The following TOX3 variants were observed in gnomAD, a reference collection of about 807,000 sequenced individuals.
TOX3 encodes the protein CAG trinucleotide repeat-containing gene F9 protein.
TOX3 carries 22 observed loss-of-function variants against 64.3 expected under a neutral mutation model. That is an observed-to-expected ratio of 0.34 (90% CI 0.24 to 0.49). The LOEUF is 0.49. Among genes scored for constraint, TOX3 ranks in the 20% least tolerant of loss-of-function variants. The probability of loss-of-function intolerance (pLI) is 0.99; values close to 1 mark genes in which losing one functional copy is unlikely to be tolerated. For synonymous variants in TOX3, 291 were observed against 273.6 expected (o/e 1.06, Z -0.63); for missense variants, 661 against 714.4 (o/e 0.93, Z 0.85).
At chr16:52,446,955 G>C (rs1222576570) in intron 4 of TOX3, among the ~76,000 whole-genome samples, 2 of 152,114 alleles carry the variant, frequency 1.3e-5, no homozygotes, top group Non-Finnish European at 2.9e-5. Flanking sequence ...TCACTAAGAA[G>C]ACTAAAAAGA....
At chr16:52,468,792 C>A (rs542076650) in intron 1 of TOX3, among the ~76,000 whole-genome samples, 1 of 152,276 alleles carries the variant, frequency 6.6e-6, no homozygotes, top group South Asian at 2.1e-4. Context: ...AGTTTTGTTT[C>A]TCATCAAGAC....
chr16:52,450,526 C>T lies in TOX3; in HGVS notation c.429G>A (p.Val143=), dbSNP rs544633408. ...GLHMDQSHTQ[V]SQYRQDPSLI... ...GGGAGGGATCCTGCCGGTACTGGGA[C>T]ACTTGTGTGTGGCTCTGATCCTAGA... Residue 143 remains valine (V), a synonymous_variant, in exon 4 of 7, where the codon GTG becomes GTA. Transcript: ENST00000219746. The T allele has an allele frequency of 1.4e-5, 23 of 1,613,902 alleles. No individual in the cohort carries two copies. The African/African-American group carries it at 2.8e-4, about 20-fold the overall frequency.
intron 1 of TOX3, among the ~76,000 whole-genome samples, chr16:52,537,932 A>G (rs1962993063): frequency 6.6e-6 from 1 of 151,794 alleles, no homozygotes; most frequent in East Asian, 1.9e-4. Context: ...ATGAAAGCAG[A>G]GCTAATATAA....
chr16:52,459,116 C>A (rs369793350), intron 3 of TOX3, among the ~76,000 whole-genome samples: 1 of 152,114 alleles, frequency 6.6e-6, no homozygotes, highest in African/African-American at 2.4e-5. Flanking sequence ...GAATTCAAGA[C>A]CAGCCTGGGC....
At chr16:52,485,246 G>GTATATATATA (rs34195222) in intron 1 of TOX3, among the ~76,000 whole-genome samples, 1,500 of 127,746 alleles carry the variant, frequency 0.012, 19 homozygotes, top group East Asian at 0.045. Context: ...ATGTGTGTGT[G>GTATATATATA]TATATATATA....
intron 1 of TOX3, among the ~76,000 whole-genome samples, chr16:52,507,390 C>A (rs1201083789): frequency 6.6e-6 from 1 of 152,020 alleles, no homozygotes; most frequent in Non-Finnish European, 1.5e-5. Flanking sequence ...AGAGTGAGAC[C>A]CCATCTCCAC....
At chr16:52,486,538 T>C (rs1042521142) in intron 1 of TOX3, among the ~76,000 whole-genome samples, 5 of 151,900 alleles carry the variant, frequency 3.3e-5, no homozygotes, top group African/African-American at 7.2e-5. Context: ...CAGAACCATA[T>C]CAAAAAAAAT....
intron 3 of TOX3, among the ~76,000 whole-genome samples, chr16:52,452,465 A>G (rs1420649272): frequency 7.3e-6 from 1 of 137,818 alleles, no homozygotes; most frequent in African/African-American, 2.8e-5. Flanking sequence ...TATGTGCCAC[A>G]TTTTCTTAAT....
intron 1 of TOX3, among the ~76,000 whole-genome samples, chr16:52,535,764 T>A (rs566097762): frequency 2.0e-5 from 3 of 152,182 alleles, no homozygotes; most frequent in Non-Finnish European, 4.4e-5. Context: ...TTCCCTCAAC[T>A]CCTGTTCTCT....
At chr16:52,459,479 C>G (rs1312973025) in intron 3 of TOX3, among the ~76,000 whole-genome samples, 1 of 152,094 alleles carries the variant, frequency 6.6e-6, no homozygotes, top group Non-Finnish European at 1.5e-5. Flanking sequence ...TAAGTTGTGA[C>G]CTTTACATTG....
chr16:52,460,574 A>G (rs1960659032), intron 3 of TOX3, among the ~76,000 whole-genome samples: 1 of 152,150 alleles, frequency 6.6e-6, no homozygotes, highest in African/African-American at 2.4e-5. Context: ...TCCCCCAGTA[A>G]CTTTCAGCTA....
At chr16:52,447,176 T>C (rs1960187627) in intron 4 of TOX3, among the ~76,000 whole-genome samples, 1 of 152,192 alleles carries the variant, frequency 6.6e-6, no homozygotes, top group African/African-American at 2.4e-5. Flanking sequence ...AGCAGGGAAA[T>C]GATTTGTAAA....
chr16:52,517,776 A>G (rs79082470), intron 1 of TOX3, among the ~76,000 whole-genome samples: 242 of 152,302 alleles, frequency 1.6e-3, no homozygotes, highest in African/African-American at 5.5e-3. Flanking sequence ...TAAGAACAAA[A>G]TAATACTTTT....
intron 1 of TOX3, among the ~76,000 whole-genome samples, chr16:52,482,881 A>C (rs1340760225): frequency 6.6e-6 from 1 of 152,212 alleles, no homozygotes; most frequent in Non-Finnish European, 1.5e-5. Flanking sequence ...AACTGAGGGG[A>C]ATAGTAGAAT....
intron 1 of TOX3, among the ~76,000 whole-genome samples, chr16:52,505,779 C>T (rs1274788597): frequency 6.6e-6 from 1 of 152,152 alleles, no homozygotes; most frequent in Non-Finnish European, 1.5e-5. Flanking sequence ...CAGTTCAAGA[C>T]CAGCCTGGGC....
At chr16:52,546,176 C>G (rs976898637) in intron 1 of TOX3, among the ~76,000 whole-genome samples, 4 of 151,898 alleles carry the variant, frequency 2.6e-5, no homozygotes, top group Admixed American at 6.5e-5. Context: ...TAAGCGGCCC[C>G]GAGGCCGGCT....
intron 1 of TOX3, among the ~76,000 whole-genome samples, chr16:52,509,892 C>G (rs552778141): frequency 1.3e-5 from 2 of 152,038 alleles, no homozygotes; most frequent in Non-Finnish European, 2.9e-5. Flanking sequence ...AGTCTAAGAC[C>G]GAGAGCAGTG....
At chr16:52,529,314 T>C (rs918831215) in intron 1 of TOX3, among the ~76,000 whole-genome samples, 2 of 152,190 alleles carry the variant, frequency 1.3e-5, no homozygotes, top group Non-Finnish European at 1.5e-5. Flanking sequence ...GAAGAAGAGA[T>C]AAGAGCTTGT....
At chr16:52,490,273 C>T (rs988991082) in intron 1 of TOX3, among the ~76,000 whole-genome samples, 1 of 152,162 alleles carries the variant, frequency 6.6e-6, no homozygotes, top group Non-Finnish European at 1.5e-5. Flanking sequence ...CTTCCGCCTT[C>T]TGCCATGATT....
Sources: allele counts gnomAD v4.1 joint callset (sites outside exome capture counted in the v4.1 genomes callset), GRCh38; gene constraint gnomAD v4.1.1; transcripts MANE v1.5; gene names NCBI Gene and HGNC (gene_info 2026-07-23, HGNC 2026-07-21).